Variants in NBPF15 observed in about 807,000 individuals in gnomAD.
The protein encoded by NBPF15 is NBPF member 15, also known as NBPF family member NBPF15.
Under a neutral mutation model 62.2 loss-of-function variants are expected in NBPF15, and 74 were observed. The ratio of observed to expected loss-of-function variants is 1.19; its 90% confidence interval spans 0.99 to 1.44. NBPF15 has a LOEUF of 1.44. Ranked by LOEUF, NBPF15 falls within the 40% of genes most tolerant of loss-of-function variation. The pLI is 0.00. For missense variants in NBPF15, 790 were observed against 550.0 expected (o/e 1.44, Z -4.36); for synonymous variants, 244 against 209.7 (o/e 1.16, Z -1.41).
At chr1:144,432,838 C>G (rs1553540442) in intron 13 of NBPF15, among the ~76,000 whole-genome samples, 1 of 151,970 alleles carries the variant, frequency 6.6e-6, no homozygotes, top group Non-Finnish European at 1.5e-5. Context: ...GAGATTTAGA[C>G]TCCACACAAT....
rs1325297030 is a variant in NBPF15, at chr1:144,429,520, A to G, written c.988+180T>C. Among the ~76,000 whole-genome samples, 4 of 147,164 alleles carry G rather than the reference A, an allele frequency of 2.7e-5. No homozygotes were observed. The South Asian group carries it at 8.8e-4, about 32-fold the overall frequency. On this transcript the variant is annotated intron_variant, in intron 14 of 21. Coordinates refer to ENST00000581897, the MANE Select transcript of NBPF15 (RefSeq NM_001385408.1). ...ACTAGGAAGAGAGCAAAGCTCACTG[A>G]CCCACCCCATGCCTGTGCTTCAGAC...
chr1:144,443,038 C>T (rs1684712623), intron 6 of NBPF15: 2 of 179,358 alleles, frequency 1.1e-5, no homozygotes, highest in South Asian at 3.1e-4. Context: ...CCACCGCTCC[C>T]CATAGCTTTG....
chr1:144,440,931 G>A (rs1265151015), intron 6 of NBPF15, among the ~76,000 whole-genome samples: 5 of 151,738 alleles, frequency 3.3e-5, no homozygotes, highest in Non-Finnish European at 7.4e-5. Flanking sequence ...GCCTCCCAAA[G>A]TGCTGGGATT....
intron 12 of NBPF15, among the ~76,000 whole-genome samples, chr1:144,434,380 G>A (rs1676638605): frequency 6.8e-6 from 1 of 147,706 alleles, no homozygotes; most frequent in Non-Finnish European, 1.5e-5. Context: ...GTGCACCTGT[G>A]GTCCCAGCAA....
chr1:144,455,079 GGGAA>G (rs1558621178), intron 4 of NBPF15, among the ~76,000 whole-genome samples: 1 of 143,692 alleles, frequency 7.0e-6, no homozygotes, highest in East Asian at 2.0e-4. Flanking sequence ...AATGGAGGGA[GGGAA>G]GGAAGGAGGA....
intron 11 of NBPF15, 25 bp from the exon 12 acceptor site, chr1:144,435,341 T>A (rs1257840771): frequency 1.4e-6 from 2 of 1,460,250 alleles, no homozygotes; most frequent in African/African-American, 2.8e-5. Context: ...GGGACAGAGA[T>A]GACAGAAGAT....
chr1:144,422,990 T>A lies in NBPF15; in HGVS notation c.*23A>T, dbSNP rs76600688. ...ATAGGTCCTGCCTGCAGGAATGACA[T>A]CTCTCGGCTTAGTAAGAGCTGCTTA... On this transcript the variant is annotated 3_prime_UTR_variant, in exon 22 of 22. Transcript: ENST00000581897. 2 of 1,611,596 alleles carry A rather than the reference T, an allele frequency of 1.2e-6. No homozygotes were observed. The highest frequency in any genetic ancestry group is 1.1e-5 in the South Asian group (1 of 90,964).
In NBPF15 at chr1:144,440,027, T is replaced by C; in HGVS notation, c.-24A>G. 6.2e-7 allele frequency: 1 copy of C among 1,604,564 alleles called. No individual in the cohort carries two copies. The highest frequency in any genetic ancestry group is 1.1e-5 in the South Asian group (1 of 90,806). ...ATGCTGACGTTTGTGGCAGAAGAGG[T>C]GGAGTCAGGGACTGGGGAGAAGAAA... On this transcript the variant is annotated 5_prime_UTR_variant, in exon 8 of 22. Transcript: ENST00000581897.
intron 13 of NBPF15, among the ~76,000 whole-genome samples, chr1:144,431,739 G>T (rs1156357763): frequency 1.6e-5 from 2 of 128,542 alleles, no homozygotes; most frequent in African/African-American, 3.0e-5. Flanking sequence ...AAGAACATGC[G>T]GTATTTGGTT....
At chr1:144,450,443 C>T (rs1290948284) in intron 5 of NBPF15, among the ~76,000 whole-genome samples, 1 of 151,894 alleles carries the variant, frequency 6.6e-6, no homozygotes, top group East Asian at 1.9e-4. Flanking sequence ...GGCCCTCAGC[C>T]CCCCACAAAC....
chr1:144,461,176 G>T (rs1280757985), intron 1 of NBPF15, among the ~76,000 whole-genome samples: 2 of 151,914 alleles, frequency 1.3e-5, no homozygotes, highest in Non-Finnish European at 2.9e-5. Flanking sequence ...CAGAACACCC[G>T]CCAGCGAGTT....
intron 9 of NBPF15, 101 bp from the exon 10 acceptor site, chr1:144,437,210 T>A (rs1446035250): frequency 1.1e-5 from 14 of 1,240,126 alleles, no homozygotes; most frequent in Non-Finnish European, 1.4e-5. Context: ...CAAGGAGACC[T>A]CGAAGCAGAA....
chr1:144,423,790 C>A (rs1359091229), intron 21 of NBPF15, 80 bp downstream of exon 21: 8 of 731,316 alleles, frequency 1.1e-5, no homozygotes, highest in Non-Finnish European at 1.7e-5. Context: ...AACATGACAT[C>A]AAACACACTC....
chr1:144,455,149 G>A (rs1415835200), intron 4 of NBPF15, among the ~76,000 whole-genome samples: 2 of 148,610 alleles, frequency 1.3e-5, no homozygotes, highest in African/African-American at 5.0e-5. Flanking sequence ...GAAAAGGAGG[G>A]AGGGAGGAAG....
chr1:144,448,291 G>T (rs587658019), intron 6 of NBPF15, among the ~76,000 whole-genome samples: 1 of 151,980 alleles, frequency 6.6e-6, no homozygotes, highest in Non-Finnish European at 1.5e-5. Context: ...CTTTGTTTTT[G>T]GAAGCATGTA....
intron 6 of NBPF15, among the ~76,000 whole-genome samples, chr1:144,445,037 C>G (rs1376534403): frequency 1.3e-5 from 2 of 151,364 alleles, no homozygotes; most frequent in African/African-American, 4.8e-5. Context: ...CTATTTTCAG[C>G]CTTTTTAATT....
chr1:144,445,094 T>C (rs1367617475), intron 6 of NBPF15, among the ~76,000 whole-genome samples: 2 of 151,438 alleles, frequency 1.3e-5, no homozygotes, highest in African/African-American at 2.4e-5. Flanking sequence ...GTTGCACTGA[T>C]TGATCTCCCT....
intron 13 of NBPF15, among the ~76,000 whole-genome samples, chr1:144,431,958 T>G (rs1179471819): frequency 6.6e-6 from 1 of 150,694 alleles, no homozygotes; most frequent in Non-Finnish European, 1.5e-5. Flanking sequence ...AACATATGTG[T>G]GCATGTGTCT....
At chr1:144,429,023 T>C (rs1672187455) in intron 14 of NBPF15, among the ~76,000 whole-genome samples, 3 of 151,966 alleles carry the variant, frequency 2.0e-5, no homozygotes, top group African/African-American at 4.8e-5. Context: ...AATTTGATAG[T>C]TTATGAGATT....
Sources: gnomAD v4.1 joint callset for allele counts (sites outside exome capture counted in the v4.1 genomes callset) on GRCh38, gnomAD v4.1.1 for gene constraint, MANE v1.5 for transcripts, NCBI Gene and HGNC (gene_info 2026-07-23, HGNC 2026-07-21) for gene names.